The following TET3 variants were observed in gnomAD, a reference collection of about 807,000 sequenced individuals.
TET3 encodes the protein methylcytosine dioxygenase TET3.
In TET3, 19 loss-of-function variants were observed where a neutral mutation model predicts 141.4. The observed-to-expected ratio is 0.13, with a 90% CI of 0.09 to 0.20. TET3 has a LOEUF of 0.20. Among genes scored for constraint, TET3 ranks in the 10% least tolerant of loss-of-function variants. The pLI, the probability that TET3 is intolerant of heterozygous loss-of-function variation, is 1.00. For synonymous variants in TET3, 1,043 were observed against 980.9 expected (o/e 1.06, Z -1.18); for missense variants, 1,874 against 2,356.9 (o/e 0.80, Z 4.24).
the TET3 span, among the ~76,000 whole-genome samples, chr2:74,124,554 G>A: frequency 9.2e-5 from 14 of 152,330 alleles, no homozygotes; most frequent in Admixed American, 9.1e-4. Context: ...AAGTAGACAT[G>A]GGAGACTCCA....
At chr2:74,073,759 A>G in intron 5 of TET3, 120 bp downstream of exon 5, 1 of 796,064 alleles carries the variant, frequency 1.3e-6, no homozygotes, top group Non-Finnish European at 1.9e-6. Context: ...AAACCCTGAT[A>G]ACGGGCTTAG....
intron 2 of TET3, chr2:73,993,509 G>A (rs1320168821): frequency 6.6e-6 from 1 of 152,298 alleles, no homozygotes; most frequent in Non-Finnish European, 1.5e-5. Flanking sequence ...CACGGAGCCA[G>A]TGGGGTGGAG....
intron 3 of TET3, among the ~76,000 whole-genome samples, chr2:74,041,778 G>C (rs1010234470): frequency 6.6e-6 from 1 of 152,120 alleles, no homozygotes; most frequent in Non-Finnish European, 1.5e-5. Context: ...TAGCTCTCAG[G>C]ATTTTACCTC....
In TET3 at chr2:74,089,993, T is replaced by C. The variant is rs1690383961; in HGVS notation, c.2985T>C (p.Tyr995=). The C allele has an allele frequency of 6.2e-7, 1 of 1,614,094 alleles. No homozygotes were observed. The highest frequency in any genetic ancestry group is 8.5e-7 in the Non-Finnish European group (1 of 1,179,904). The part of the protein sequence containing the change: ...SWSMYFNGCK[Y]ARSKTPRKFR... ...GCATGTACTTCAACGGCTGCAAGTATGCTCGGAGCAAGACACCTCGCAAGT... is the reference window on the plus strand; with the variant it reads ...GCATGTACTTCAACGGCTGCAAGTACGCTCGGAGCAAGACACCTCGCAAGT... The change falls in exon 8 of 12, where the codon TAT becomes TAC. Residue 995 remains tyrosine, a synonymous_variant. Coordinates refer to ENST00000409262, the MANE Select transcript of TET3 (RefSeq NM_001287491.2).
chr2:74,008,394 G>A (rs1237284328), intron 3 of TET3, among the ~76,000 whole-genome samples: 21 of 152,218 alleles, frequency 1.4e-4, no homozygotes, highest in Admixed American at 1.3e-3. Flanking sequence ...GCATGCCTTG[G>A]AGGAAGAGAA....
chr2:74,001,292 G>A (rs1684837269), intron 2 of TET3, among the ~76,000 whole-genome samples: 1 of 152,180 alleles, frequency 6.6e-6, no homozygotes, highest in Non-Finnish European at 1.5e-5. Context: ...CATCTGTGGT[G>A]TAGTGGGTAG....
In TET3 at chr2:74,047,543, G is replaced by A. The variant is rs1443564201; in HGVS notation, c.1626G>A (p.Gln542=). Residue 542 remains glutamine, a synonymous_variant, in exon 4 of 12, where the codon CAG becomes CAA. Coordinates refer to ENST00000409262, the MANE Select transcript of TET3 (RefSeq NM_001287491.2). The stretch of plus-strand genomic sequence containing the variant: ...ACAAGCGCAGCCTCTTCCTAGAACA[G>A]GTGCACGACACCTCCTTCCCTGCTC... ...LHHKRSLFLE[Q]VHDTSFPAPS... 1 of 1,613,752 alleles carries A rather than the reference G, an allele frequency of 6.2e-7. No homozygotes were observed. The highest frequency in any genetic ancestry group is 8.5e-7 in the Non-Finnish European group (1 of 1,179,886).
chr2:74,016,944 T>TTG (rs1180044932), intron 3 of TET3, among the ~76,000 whole-genome samples: 3 of 152,074 alleles, frequency 2.0e-5, no homozygotes, highest in African/African-American at 2.4e-5. Context: ...TAATATTATT[T>TTG]TGTGTGTGTG....
At chr2:74,066,460 A>T (rs1688906908) in intron 4 of TET3, among the ~76,000 whole-genome samples, 1 of 152,222 alleles carries the variant, frequency 6.6e-6, no homozygotes, top group Admixed American at 6.5e-5. Context: ...TCTTCATATA[A>T]CATATATGAG....
rs899042055 is a variant in TET3, at chr2:74,046,594, G to A, written c.677G>A (p.Arg226His). 9 of 1,613,936 alleles carry A rather than the reference G, an allele frequency of 5.6e-6. No homozygotes were observed. The highest frequency in any genetic ancestry group is 1.1e-5 in the South Asian group (1 of 91,096). The change falls in exon 4 of 12, where the codon CGT (arginine) becomes CAT (histidine). Residue 226 changes from arginine to histidine, a missense_variant. Around this residue, in one of 10 missense-constraint regions of TET3, gnomAD observed 366 missense variants for 487.0 expected, o/e 0.75. Transcript: ENST00000409262. This position sits in a 1 kb window ranked among gnomAD's most constrained non-coding sequence, Gnocchi z 4.3. ...ACCCGGCTCTATGAAACCTTCAACC[G>A]TGAGATGAGTCGTGAGGCTGGGAAC... ...LSTRLYETFN[R>H]EMSREAGNNS...
At position 74,099,605 on chromosome 2, in the gene TET3, G is replaced by T. The variant is rs986389868; in HGVS notation, c.3597G>T (p.Ser1199=). 1 of 1,568,264 alleles carries T rather than the reference G, an allele frequency of 6.4e-7. No individual in the cohort carries two copies. Among genetic ancestry groups the T allele is most frequent in the Non-Finnish European group, 8.7e-7 (1 of 1,154,140 alleles). The change falls in exon 11 of 12, where the codon TCG becomes TCT. Residue 1199 remains serine (S), a synonymous_variant. Coordinates refer to ENST00000409262, the MANE Select transcript of TET3 (RefSeq NM_001287491.2). ...CCCTGGAGCTGGCGGGCATTACGTC[G>T]GACCCAGGTGTGTGGGGGGAGGGTG... ...QEALELAGIT[S]DPGLSLKGGL...
chr2:74,003,852 G>A (rs1167076993), intron 3 of TET3, among the ~76,000 whole-genome samples: 1 of 151,572 alleles, frequency 6.6e-6, no homozygotes. Flanking sequence ...TGGTTGTCTG[G>A]GGGGCGGGGA....
chr2:74,073,657 G>A lies in TET3; in HGVS notation c.2585+18G>A. The A allele has an allele frequency of 1.9e-6, 3 of 1,585,502 alleles. No individual in the cohort carries two copies. The highest frequency in any genetic ancestry group is 2.3e-5 in the South Asian group (2 of 86,544). On this transcript the variant is annotated intron_variant, in intron 5 of 11. Coordinates refer to ENST00000409262, the MANE Select transcript of TET3 (RefSeq NM_001287491.2). ...GAGGAGCGGTGAGTGATACACAGAT[G>A]TCCAAGGAGAAATGGATGTGCTGTT...
intron 5 of TET3, among the ~76,000 whole-genome samples, chr2:74,078,235 A>C (rs1287750852): frequency 6.6e-6 from 1 of 152,224 alleles, no homozygotes; most frequent in Non-Finnish European, 1.5e-5. Flanking sequence ...TCTCTTTTTC[A>C]ATTACAAAAA....
intron 2 of TET3, among the ~76,000 whole-genome samples, chr2:73,994,638 C>CTTTTTTTTTTTTTT (rs572235939): frequency 1.0e-5 from 1 of 96,750 alleles, no homozygotes; most frequent in Non-Finnish European, 1.9e-5. Context: ...TTCTTTCTTT[C>CTTTTTTTTTTTTTT]TTTTTTTTTT....
At position 74,101,152 on chromosome 2, in the gene TET3, G is replaced by C. The variant is rs746738648; in HGVS notation, c.4364G>C (p.Ser1455Thr). The C allele has an allele frequency of 6.2e-7, 1 of 1,613,900 alleles. No homozygotes were observed. The highest frequency in any genetic ancestry group is 8.5e-7 in the Non-Finnish European group (1 of 1,179,876). ...AAGAGGACTAACGGTGTGGGTGGCA[G>C]CTGGGGTGTGTTCTCGTCTGGGGAG... ...SPKRTNGVGGSWGVFSSGESP... is the reference protein window; with the variant it reads ...SPKRTNGVGGTWGVFSSGESP... Residue 1455 changes from serine (S) to threonine (T), a missense_variant, in exon 12 of 12, where the codon AGC becomes ACC. Physicochemically the swap from Ser to Thr is moderately conservative, Grantham distance 58. This residue lies in a region of TET3 where 602 missense variants were observed against 590.2 expected (regional missense o/e 1.02). Transcript: ENST00000409262. The surrounding 1 kb of genome is among the most constrained non-coding windows in gnomAD (Gnocchi z 8.5).
intron 3 of TET3, among the ~76,000 whole-genome samples, chr2:74,032,451 CTGTGTGTGTGTGTGTGTG>C (rs61217149): frequency 9.7e-4 from 70 of 71,946 alleles, no homozygotes; most frequent in South Asian, 6.8e-3. Flanking sequence ...GGGTGTGTCT[CTGTGTGTGTGTGTGTGTG>C]TGTGTGTGTG....
intron 4 of TET3, among the ~76,000 whole-genome samples, chr2:74,065,689 T>G (rs534943870): frequency 6.6e-6 from 1 of 151,316 alleles, no homozygotes; most frequent in Non-Finnish European, 1.5e-5. Flanking sequence ...CTTTCTTTTC[T>G]TCTTTCTTTT....
intron 3 of TET3, among the ~76,000 whole-genome samples, chr2:74,004,343 T>A (rs1245824497): frequency 1.3e-5 from 2 of 152,200 alleles, no homozygotes; most frequent in African/African-American, 4.8e-5. Context: ...CTGGGAAAGC[T>A]GTGGGAAGCT....
Sources: allele counts gnomAD v4.1 joint callset (sites outside exome capture counted in the v4.1 genomes callset), GRCh38; gene constraint gnomAD v4.1.1; regional missense constraint gnomAD v4.1.1; non-coding constraint Gnocchi (gnomAD v3.1); transcripts MANE v1.5; gene names NCBI Gene and HGNC (gene_info 2026-07-23, HGNC 2026-07-21).